The following TPRG1 variants were observed in gnomAD, a reference collection of about 807,000 sequenced individuals.
TPRG1 encodes tumor protein p63 regulated 1.
TPRG1 carries 29 observed loss-of-function variants against 29.3 expected under a neutral mutation model. The observed-to-expected ratio is 0.99, with a 90% CI of 0.74 to 1.35. TPRG1 has a LOEUF of 1.35. Ranked by LOEUF, TPRG1 falls within the 40% of genes most tolerant of loss-of-function variation. The probability of loss-of-function intolerance (pLI) is 0.00; values close to 1 mark genes in which losing one functional copy is unlikely to be tolerated. For synonymous variants in TPRG1, 130 were observed against 116.8 expected, an observed-to-expected ratio of 1.11 and a Z score of -0.73; for missense variants, 327 against 335.0, an observed-to-expected ratio of 0.98 and a Z score of 0.19.
At chr3:189,135,555 A>G (rs1287647161) in intron 3 of TPRG1, among the ~76,000 whole-genome samples, 1 of 152,166 alleles carries the variant, frequency 6.6e-6, no homozygotes, top group Non-Finnish European at 1.5e-5. Flanking sequence ...CCTCTATTGT[A>G]TTCACTTTCC....
intron 5 of TPRG1, among the ~76,000 whole-genome samples, chr3:189,312,142 T>TC (rs2109323916): frequency 1.2e-4 from 5 of 42,458 alleles, no homozygotes; most frequent in African/African-American, 2.0e-4. Context: ...TCTTTCTTTC[T>TC]TTCTTTCTTT....
At chr3:189,115,515 G>T (rs1282721256) in intron 1 of TPRG1, among the ~76,000 whole-genome samples, 1 of 152,174 alleles carries the variant, frequency 6.6e-6, no homozygotes, top group African/African-American at 2.4e-5. Flanking sequence ...TCCAAAGAAG[G>T]CATAGATTTG....
At chr3:189,290,002 T>G (rs1682033737) in intron 4 of TPRG1, among the ~76,000 whole-genome samples, 1 of 152,120 alleles carries the variant, frequency 6.6e-6, no homozygotes. Context: ...CCAATGTAAA[T>G]GAAATGCAAT....
intron 3 of TPRG1, among the ~76,000 whole-genome samples, chr3:189,134,109 C>A (rs958382931): frequency 2.0e-5 from 3 of 152,114 alleles, no homozygotes; most frequent in African/African-American, 7.2e-5. Flanking sequence ...AGGTCCCAGC[C>A]CTTGGTCTTT....
chr3:189,234,376 T>C (rs1739126194), intron 3 of TPRG1, among the ~76,000 whole-genome samples: 1 of 152,180 alleles, frequency 6.6e-6, no homozygotes, highest in Non-Finnish European at 1.5e-5. Context: ...GCATAAAAAG[T>C]AATAAAAGTC....
At chr3:189,221,738 T>C (rs532835126) in intron 3 of TPRG1, among the ~76,000 whole-genome samples, 58 of 152,338 alleles carry the variant, frequency 3.8e-4, no homozygotes, top group African/African-American at 8.9e-4. Flanking sequence ...GTCCCCAAAG[T>C]GACACTGTGT....
chr3:189,118,598 C>A (rs1721453923), intron 1 of TPRG1, among the ~76,000 whole-genome samples: 1 of 152,180 alleles, frequency 6.6e-6, no homozygotes, highest in African/African-American at 2.4e-5. Flanking sequence ...GGGACCCCTG[C>A]AGCCTTGAAA....
chr3:189,323,301 TC>T lies in TPRG1; in HGVS notation c.*2482del, dbSNP rs1724470472. On this transcript the variant is annotated 3_prime_UTR_variant, in exon 6 of 6. Transcript: ENST00000345063. ...ACTTAGTTAATTAGACCCATTTTTTTCTTAGGAAAGAGTTGGATCAATCATG... is the reference window on the plus strand; with the variant it reads ...ACTTAGTTAATTAGACCCATTTTTTTTTAGGAAAGAGTTGGATCAATCATG... The T allele has an allele frequency of 6.6e-6, 1 of 152,142 alleles. No homozygotes were observed. 9.4% of individuals were successfully genotyped at this position (152,142 alleles called of 1,614,324 possible). A position where few individuals can be genotyped will look rare whatever the true frequency, so the allele number is the denominator to read the frequency against.
intron 4 of TPRG1, among the ~76,000 whole-genome samples, chr3:189,071,422 C>T (rs1403120030): frequency 1.3e-5 from 2 of 152,158 alleles, no homozygotes; most frequent in East Asian, 1.9e-4. Context: ...CACACACACA[C>T]ACACAAAGTA....
intron 1 of TPRG1, among the ~76,000 whole-genome samples, chr3:189,119,561 A>G (rs1286174877): frequency 6.6e-6 from 1 of 152,146 alleles, no homozygotes; most frequent in African/African-American, 2.4e-5. Context: ...TAATCTCCAC[A>G]TGTCGTGGGA....
At chr3:189,224,678 G>A (rs1461507273) in intron 3 of TPRG1, among the ~76,000 whole-genome samples, 1 of 152,158 alleles carries the variant, frequency 6.6e-6, no homozygotes, top group Non-Finnish European at 1.5e-5. Context: ...GTAGCCTAAG[G>A]AGTTTGGATC....
intron 3 of TPRG1, among the ~76,000 whole-genome samples, chr3:189,011,816 T>C (rs928848060): frequency 1.3e-5 from 2 of 152,184 alleles, no homozygotes; most frequent in Non-Finnish European, 2.9e-5. Flanking sequence ...TTTGAACAGT[T>C]ATTTGTAGTT....
intron 2 of TPRG1, among the ~76,000 whole-genome samples, chr3:189,214,158 C>T (rs1735686198): frequency 6.6e-6 from 1 of 152,132 alleles, no homozygotes; most frequent in East Asian, 1.9e-4. Flanking sequence ...CATGATTATA[C>T]TCATCTTCAC....
At chr3:189,022,854 A>G (rs1713422464) in intron 3 of TPRG1, among the ~76,000 whole-genome samples, 1 of 152,190 alleles carries the variant, frequency 6.6e-6, no homozygotes, top group Non-Finnish European at 1.5e-5. Context: ...GTTTGATCTC[A>G]GACTGCTGTG....
intron 1 of TPRG1, among the ~76,000 whole-genome samples, chr3:189,201,443 G>A (rs992788952): frequency 3.9e-5 from 6 of 152,124 alleles, no homozygotes; most frequent in African/African-American, 1.4e-4. Flanking sequence ...CAGCTGGTCC[G>A]GTAGGCAGAG....
intron 5 of TPRG1, among the ~76,000 whole-genome samples, chr3:189,163,548 A>C (rs1271273767): frequency 5.2e-4 from 79 of 152,216 alleles, no homozygotes; most frequent in Admixed American, 5.2e-3. Context: ...TTTAGGCTTA[A>C]AACCCTAACA....
intron 1 of TPRG1, chr3:189,123,449 C>T (rs1319897046): frequency 6.6e-6 from 1 of 152,100 alleles, no homozygotes; most frequent in Non-Finnish European, 1.5e-5. Context: ...GTGTAATGTA[C>T]AAGAAGGTAT....
intron 1 of TPRG1, among the ~76,000 whole-genome samples, chr3:189,186,507 C>G (rs11925065): frequency 6.6e-6 from 1 of 152,142 alleles, no homozygotes; most frequent in Non-Finnish European, 1.5e-5. Context: ...ACGCAATTTT[C>G]TGCAAACATT....
chr3:189,143,679 C>G lies in TPRG1; in HGVS notation c.-290-3905C>G, dbSNP rs145616170. 9.3e-4 allele frequency among the ~76,000 whole-genome samples: 141 copies of G among 152,322 alleles called. 1 individual carries two copies. Among genetic ancestry groups the G allele is most frequent in the Admixed American group, 8.5e-3 (130 of 15,298 alleles). ...CTCTTTGTAATCCCTTGGTCTTTTACTCAGGCTGACCCCAACCCAGACTTA... is the reference window on the plus strand; with the variant it reads ...CTCTTTGTAATCCCTTGGTCTTTTAGTCAGGCTGACCCCAACCCAGACTTA... On this transcript the variant is annotated intron_variant, in intron 3 of 6. Transcript: ENST00000412373.
Sources: allele counts gnomAD v4.1 joint callset (sites outside exome capture counted in the v4.1 genomes callset), GRCh38; gene constraint gnomAD v4.1.1; transcripts MANE v1.5; gene names NCBI Gene and HGNC (gene_info 2026-07-23, HGNC 2026-07-21).